LY96: variants seen among roughly 807,000 people sequenced by gnomAD.
The protein encoded by LY96 is lymphocyte antigen 96.
In LY96, 18 loss-of-function variants were observed where a neutral mutation model predicts 18.9. The observed-to-expected ratio is 0.95, with a 90% confidence interval of 0.66 to 1.41. The LOEUF is 1.41. LY96 is among the 40% of genes most tolerant of loss of function. LY96 has a pLI of 0.00. For missense variants in LY96, 175 were observed against 182.4 expected, an observed-to-expected ratio of 0.96 and a Z score of 0.23; for synonymous variants, 66 against 62.6, an observed-to-expected ratio of 1.06 and a Z score of -0.26.
the LY96 span, among the ~76,000 whole-genome samples, chr8:74,043,898 A>T: frequency 6.6e-6 from 1 of 152,204 alleles, no homozygotes; most frequent in Non-Finnish European, 1.5e-5. Context: ...AGATGGTGCC[A>T]CCATGGCTCA....
intron 1 of LY96, among the ~76,000 whole-genome samples, chr8:73,997,025 A>G (rs1816163560): frequency 6.6e-6 from 1 of 152,140 alleles, no homozygotes. Context: ...GATTACAGGC[A>G]TAAGCCACCA....
the LY96 span, among the ~76,000 whole-genome samples, chr8:74,035,224 T>G: frequency 2.0e-5 from 3 of 151,850 alleles, no homozygotes. Context: ...TGTAAAAACT[T>G]TTTTTTTAAG....
chr8:74,098,359 G>C, the LY96 span, among the ~76,000 whole-genome samples: 2 of 151,998 alleles, frequency 1.3e-5, no homozygotes, highest in African/African-American at 2.4e-5. Context: ...AAATCTCACA[G>C]GTTCATCTTA....
the LY96 span, among the ~76,000 whole-genome samples, chr8:74,081,060 CTTTCTTACTTTCTTTCT>C: frequency 7.6e-3 from 891 of 116,778 alleles, 25 homozygotes; most frequent in African/African-American, 0.032. Context: ...TTCTTTCTTT[CTTTCTTACTTTCTTTCT>C]TCTCTTTCTC....
intron 2 of LY96, among the ~76,000 whole-genome samples, chr8:74,009,197 C>T (rs1425135837): frequency 6.6e-6 from 1 of 151,036 alleles, no homozygotes; most frequent in Non-Finnish European, 1.5e-5. Flanking sequence ...GAGTTCAAGA[C>T]CAGCCTGGCC....
chr8:73,999,115 C>T (rs747222794), intron 1 of LY96, among the ~76,000 whole-genome samples: 4 of 151,974 alleles, frequency 2.6e-5, no homozygotes, highest in Admixed American at 6.6e-5. Flanking sequence ...GGACGACAGG[C>T]ACCCGCCACC....
At chr8:74,089,718 G>T in the LY96 span, among the ~76,000 whole-genome samples, 7 of 147,574 alleles carry the variant, frequency 4.7e-5, no homozygotes, top group African/African-American at 1.8e-4. Context: ...GCAGATAGTA[G>T]GTCGGATAGT....
At chr8:74,078,366 C>G in the LY96 span, among the ~76,000 whole-genome samples, 1 of 152,122 alleles carries the variant, frequency 6.6e-6, no homozygotes, top group Non-Finnish European at 1.5e-5. Context: ...TAAGACAGGA[C>G]AGAAAGCAAA....
intron 1 of LY96, among the ~76,000 whole-genome samples, chr8:73,998,616 G>A (rs1816198490): frequency 6.6e-6 from 1 of 152,144 alleles, no homozygotes; most frequent in African/African-American, 2.4e-5. Flanking sequence ...CCAGGAGTTT[G>A]AGGTTGCCCT....
chr8:74,054,617 C>CTTTCTTTCTCTCT, the LY96 span, among the ~76,000 whole-genome samples: 3 of 70,098 alleles, frequency 4.3e-5, no homozygotes, highest in African/African-American at 1.6e-4. Flanking sequence ...TTTCCTTTTC[C>CTTTCTTTCTCTCT]TTCTTTCTTT....
At chr8:74,063,387 T>C in the LY96 span, among the ~76,000 whole-genome samples, 1 of 152,224 alleles carries the variant, frequency 6.6e-6, no homozygotes, top group Non-Finnish European at 1.5e-5. Flanking sequence ...TTGAAGGGAA[T>C]ATAGACAGAA....
At chr8:74,069,600 ATTTT>A in the LY96 span, among the ~76,000 whole-genome samples, 1 of 149,464 alleles carries the variant, frequency 6.7e-6, no homozygotes. Flanking sequence ...TTATTTATTT[ATTTT>A]TATTTGTTTG....
chr8:74,049,675 C>T, the LY96 span, among the ~76,000 whole-genome samples: 1 of 152,232 alleles, frequency 6.6e-6, no homozygotes, highest in Non-Finnish European at 1.5e-5. Context: ...TCACGCAATT[C>T]TACATGAGTG....
At chr8:74,013,779 T>C (rs939752433) in intron 3 of LY96, among the ~76,000 whole-genome samples, 4 of 151,858 alleles carry the variant, frequency 2.6e-5, no homozygotes, top group Non-Finnish European at 5.9e-5. Flanking sequence ...ATTTGGAGAG[T>C]AGTTTTTTTG....
the LY96 span, among the ~76,000 whole-genome samples, chr8:74,047,376 CTG>C: frequency 6.6e-6 from 1 of 152,196 alleles, no homozygotes; most frequent in African/African-American, 2.4e-5. Context: ...GTTTCTCTCA[CTG>C]TGCTTCTGTC....
Position 74,026,823 on chromosome 8 carries a change from G to T in LY96, c.366G>T (p.Lys122Asn). 6.5e-7 allele frequency: 1 copy of T among 1,527,244 alleles called. No homozygotes were observed. Among genetic ancestry groups the T allele is most frequent in the African/African-American group, 1.4e-5 (1 of 73,326 alleles). The allele number at this position is 1,527,244 out of a possible 1,614,324, so 94.6% of individuals were successfully genotyped here. A position where few individuals can be genotyped will look rare whatever the true frequency, so the allele number is the denominator to read the frequency against. ...ATACAACAATATCATTCTCCTTCAA[G>T]GGAATAAAATTTTCTAAGGTATTGT... Reference protein sequence around the residue: ...TVNTTISFSFKGIKFSKGKYK... With the variant: ...TVNTTISFSFNGIKFSKGKYK... The change falls in exon 4 of 5, where the codon AAG becomes AAT. Residue 122 changes from lysine to asparagine, a missense_variant. Lys to Asn is a moderately conservative substitution (Grantham distance 94). Coordinates refer to ENST00000284818, the MANE Select transcript of LY96 (RefSeq NM_015364.5).
In LY96 at chr8:73,996,368, CATTCCTTT is replaced by C. The variant is rs1563707761; in HGVS notation, c.112+4815_112+4822del. On this transcript the variant is annotated intron_variant, in intron 1 of 4. Transcript: ENST00000284818. ...TCCTTCCTTCCTTCCTTCCTTCCTT[CATTCCTTT>C]CTTTCTTTCTTTCTTTCTTTCTTTC... is the stretch of plus-strand genomic sequence containing the variant. Among the ~76,000 whole-genome samples the C allele has an allele frequency of 5.1e-3, 320 of 62,510 alleles. 7 individuals carry two copies. Among genetic ancestry groups the C allele is most frequent in the Non-Finnish European group, 8.0e-3 (222 of 27,600 alleles). 41.0% of individuals were successfully genotyped at this position (62,510 alleles called of 152,430 possible).
chr8:74,058,044 C>G, the LY96 span, among the ~76,000 whole-genome samples: 1 of 152,052 alleles, frequency 6.6e-6, no homozygotes, highest in Non-Finnish European at 1.5e-5. Flanking sequence ...AGCTAGTAGT[C>G]CTGTTTGAAG....
At chr8:74,034,693 T>G in the LY96 span, among the ~76,000 whole-genome samples, 1 of 152,318 alleles carries the variant, frequency 6.6e-6, no homozygotes, top group Middle Eastern at 3.4e-3. Flanking sequence ...GAGATGCGAA[T>G]CTCCCTCATT....
Sources: allele counts gnomAD v4.1 joint callset (sites outside exome capture counted in the v4.1 genomes callset), GRCh38; gene constraint gnomAD v4.1.1; transcripts MANE v1.5; gene names NCBI Gene and HGNC (gene_info 2026-07-23, HGNC 2026-07-21).